Variants in ADAM19 observed in about 807,000 individuals in gnomAD.
ADAM19 encodes the protein ADAM metallopeptidase domain 19.
ADAM19 carries 65 observed loss-of-function variants against 114.7 expected under a neutral mutation model. The observed-to-expected ratio is 0.57, with a 90% CI of 0.46 to 0.70. The LOEUF (loss-of-function observed/expected upper bound fraction) is 0.70. Among genes scored for constraint, ADAM19 ranks in the 30% least tolerant of loss-of-function variants. The pLI is 0.00. For synonymous variants in ADAM19, 466 were observed against 460.5 expected (o/e 1.01, Z -0.15); for missense variants, 1,063 against 1,204.7 (o/e 0.88, Z 1.74).
chr5:157,506,788 A>T (rs1417780621), intron 10 of ADAM19, among the ~76,000 whole-genome samples: 1 of 152,192 alleles, frequency 6.6e-6, no homozygotes, highest in Non-Finnish European at 1.5e-5. Context: ...CTGGTTTGGA[A>T]CATATGAGAT....
intron 5 of ADAM19, among the ~76,000 whole-genome samples, chr5:157,524,261 G>A (rs568308820): frequency 1.3e-5 from 2 of 152,382 alleles, no homozygotes; most frequent in South Asian, 4.1e-4. Flanking sequence ...GGCAAAGGCA[G>A]AACTCAGCCA....
intron 16 of ADAM19, among the ~76,000 whole-genome samples, chr5:157,492,308 G>T (rs1755202370): frequency 6.6e-6 from 1 of 152,028 alleles, no homozygotes; most frequent in East Asian, 1.9e-4. Flanking sequence ...AAAAAAGTAT[G>T]AGGGCCCAAA....
intron 3 of ADAM19, among the ~76,000 whole-genome samples, chr5:157,555,846 C>T (rs1260327124): frequency 6.6e-6 from 1 of 152,204 alleles, no homozygotes; most frequent in Admixed American, 6.5e-5. Context: ...TGTTCCTTGC[C>T]TCTTCCAGCT....
At chr5:157,518,750 A>T in intron 7 of ADAM19, 73 bp downstream of exon 7, 1 of 1,180,454 alleles carries the variant, frequency 8.5e-7, no homozygotes, top group Non-Finnish European at 1.3e-6. Flanking sequence ...CATTTCCCCA[A>T]AGCAGTCTGG....
intron 4 of ADAM19, among the ~76,000 whole-genome samples, chr5:157,532,656 G>C (rs1756658160): frequency 6.6e-6 from 1 of 152,162 alleles, no homozygotes; most frequent in South Asian, 2.1e-4. Context: ...TGCAGACATG[G>C]AAGCTTTCTC....
intron 21 of ADAM19, among the ~76,000 whole-genome samples, chr5:157,487,283 A>C (rs988157645): frequency 6.6e-5 from 10 of 151,700 alleles, no homozygotes; most frequent in African/African-American, 2.4e-4. Context: ...CCTCTGCCCC[A>C]CATAAAAGGA....
intron 11 of ADAM19, 58 bp from the exon 12 acceptor site, chr5:157,503,038 GTGTCACTCGTGC>G (rs1755618631): frequency 9.2e-6 from 14 of 1,529,266 alleles, no homozygotes; most frequent in Non-Finnish European, 1.3e-5. Flanking sequence ...AGTCAGGCAG[GTGTCACTCGTGC>G]TGTCACTCCT....
intron 12 of ADAM19, among the ~76,000 whole-genome samples, chr5:157,502,295 G>C (rs1245678640): frequency 1.3e-5 from 2 of 152,216 alleles, no homozygotes; most frequent in Non-Finnish European, 2.9e-5. Flanking sequence ...CAGAAGGAAG[G>C]AGAGAGTTTA....
intron 21 of ADAM19, among the ~76,000 whole-genome samples, chr5:157,485,856 T>C (rs1383337790): frequency 1.3e-5 from 2 of 152,212 alleles, no homozygotes; most frequent in Non-Finnish European, 2.9e-5. Flanking sequence ...TACTCTCTTC[T>C]GAGCACCCTG....
intron 1 of ADAM19, chr5:157,572,366 CT>C (rs1335571921): frequency 2.4e-6 from 1 of 424,168 alleles, no homozygotes; most frequent in African/African-American, 2.0e-5. Context: ...TGGCGGCAGA[CT>C]ATCTTAACAA....
Position 157,480,986 on chromosome 5 carries a change from G to A in ADAM19, c.2720C>T (p.Ser907Leu). ...GCTAATCATCCCTCCAGCCCTCTGT[G>A]ATCTGTATTCTGGAAACTGGGAAGA... ...ALAPKFPEYR[S>L]QRAGGMISSK... is the part of the protein sequence containing the mutation. Residue 907 changes from serine to leucine, a missense_variant, in exon 23 of 23, where the codon TCA becomes TTA. Coordinates refer to ENST00000257527, the MANE Select transcript of ADAM19 (RefSeq NM_033274.5). The A allele has an allele frequency of 6.2e-7, 1 of 1,614,158 alleles. No homozygotes were observed. Among genetic ancestry groups the A allele is most frequent in the Non-Finnish European group, 8.5e-7 (1 of 1,180,032 alleles).
At chr5:157,504,845 C>T (rs571061352) in intron 11 of ADAM19, among the ~76,000 whole-genome samples, 166 of 150,522 alleles carry the variant, frequency 1.1e-3, no homozygotes, top group African/African-American at 3.7e-3. Context: ...TCATGTCCAG[C>T]GCGGTGGCTC....
chr5:157,552,944 G>C (rs1757244707), intron 3 of ADAM19, among the ~76,000 whole-genome samples: 1 of 152,134 alleles, frequency 6.6e-6, no homozygotes, highest in African/African-American at 2.4e-5. Flanking sequence ...CAGACAGAAA[G>C]ATCAACATCC....
At chr5:157,543,273 T>C (rs1332945483) in intron 3 of ADAM19, among the ~76,000 whole-genome samples, 1 of 152,240 alleles carries the variant, frequency 6.6e-6, no homozygotes, top group Non-Finnish European at 1.5e-5. Flanking sequence ...TGTTTTCACG[T>C]GAGCCACATA....
chr5:157,481,221 T>A (rs1754735984), intron 22 of ADAM19: 1 of 618,246 alleles, frequency 1.6e-6, no homozygotes, highest in East Asian at 2.8e-5. Flanking sequence ...CAGCCACCCC[T>A]CCCTCTTCCC....
At chr5:157,504,439 C>A (rs145700611) in intron 11 of ADAM19, among the ~76,000 whole-genome samples, 4 of 152,152 alleles carry the variant, frequency 2.6e-5, no homozygotes, top group Non-Finnish European at 5.9e-5. Flanking sequence ...TTAGCAGAGA[C>A]GGGGTTTCAC....
chr5:157,506,714 A>G (rs1005991114), intron 10 of ADAM19, among the ~76,000 whole-genome samples: 1 of 152,230 alleles, frequency 6.6e-6, no homozygotes, highest in African/African-American at 2.4e-5. Flanking sequence ...AATGACATAT[A>G]TAACAGCACA....
chr5:157,541,126 G>A (rs1050796934), intron 3 of ADAM19, among the ~76,000 whole-genome samples: 2 of 152,152 alleles, frequency 1.3e-5, no homozygotes, highest in African/African-American at 4.8e-5. Context: ...CTGTCCCACA[G>A]AGAGGAGGGC....
chr5:157,575,586 C>T lies in ADAM19; in HGVS notation c.94+17G>A, dbSNP rs1166867894. The T allele has an allele frequency of 6.9e-7, 1 of 1,455,824 alleles. No homozygotes were observed. Among genetic ancestry groups the T allele is most frequent in the Admixed American group, 2.6e-5 (1 of 39,122 alleles). The allele number at this position is 1,455,824 out of a possible 1,614,324, so 90.2% of individuals were successfully genotyped here. ...CCGGGCCACCCAGCCTCCATCCCCC[C>T]GCGCCTGGCCACTTACTTGTCCATC... is the stretch of plus-strand genomic sequence containing the variant. On this transcript the variant is annotated intron_variant, in intron 1 of 22. Transcript: ENST00000257527.
Sources: gnomAD v4.1 joint callset for allele counts (sites outside exome capture counted in the v4.1 genomes callset) on GRCh38, gnomAD v4.1.1 for gene constraint, MANE v1.5 for transcripts, NCBI Gene and HGNC (gene_info 2026-07-23, HGNC 2026-07-21) for gene names.